NCOR2: variants seen among roughly 807,000 people sequenced by gnomAD.
NCOR2 encodes the protein nuclear receptor corepressor 2, also known as CTG repeat protein 26.
A neutral mutation model predicts 262.9 loss-of-function variants in NCOR2; 81 were observed. That is an observed-to-expected ratio of 0.31 (90% confidence interval 0.26 to 0.37). The LOEUF (loss-of-function observed/expected upper bound fraction) is 0.37. Ranked by LOEUF, NCOR2 falls within the 10% of genes least tolerant of loss-of-function variation. The probability of loss-of-function intolerance (pLI) is 1.00; values close to 1 mark genes in which losing one functional copy is unlikely to be tolerated. For missense variants in NCOR2, 3,385 were observed against 3,621.4 expected, an observed-to-expected ratio of 0.93 and a Z score of 1.68; for synonymous variants, 1,659 against 1,559.3, an observed-to-expected ratio of 1.06 and a Z score of -1.51.
At chr12:124,510,516 C>T (rs561087726) in intron 1 of NCOR2, among the ~76,000 whole-genome samples, 60 of 152,362 alleles carry the variant, frequency 3.9e-4, no homozygotes, top group African/African-American at 1.4e-3. Context: ...GAGACTGGCA[C>T]AGAGAGGCCG....
At chr12:124,328,794 C>A (rs570374940) in intron 44 of NCOR2, 3 of 226,618 alleles carry the variant, frequency 1.3e-5, no homozygotes, top group Admixed American at 1.1e-4. Context: ...CATGAGGTTG[C>A]GGGTGATGCA....
intron 12 of NCOR2, among the ~76,000 whole-genome samples, chr12:124,422,007 C>A (rs2043231478): frequency 6.6e-6 from 1 of 152,218 alleles, no homozygotes; most frequent in African/African-American, 2.4e-5. Flanking sequence ...TCTGGTTTGG[C>A]ATTAGAGGTG....
chr12:124,404,844 C>G (rs1446849657), intron 13 of NCOR2, among the ~76,000 whole-genome samples: 2 of 152,356 alleles, frequency 1.3e-5, no homozygotes, highest in South Asian at 2.1e-4. Flanking sequence ...GAGTAACACC[C>G]CTGCACCATG....
intron 20 of NCOR2, among the ~76,000 whole-genome samples, chr12:124,366,726 C>G (rs1224385721): frequency 6.6e-6 from 1 of 152,078 alleles, no homozygotes; most frequent in Non-Finnish European, 1.5e-5. Context: ...CTATGTTGCC[C>G]AAGCTGGTCT....
chr12:124,325,348 G>T, exon 47 of NCOR2: 1 of 1,129,090 alleles, frequency 8.9e-7, no homozygotes, highest in Non-Finnish European at 1.1e-6. Context: ...CTGCAGGGCC[G>T]TTCCTGTGGC....
At chr12:124,559,783 G>A (rs2052009641) in intron 1 of NCOR2, among the ~76,000 whole-genome samples, 1 of 152,266 alleles carries the variant, frequency 6.6e-6, no homozygotes, top group Non-Finnish European at 1.5e-5. Context: ...AAAGCAGGCT[G>A]CAAAATTTGG....
At chr12:124,512,418 T>C (rs558017098) in intron 1 of NCOR2, among the ~76,000 whole-genome samples, 69 of 152,334 alleles carry the variant, frequency 4.5e-4, no homozygotes, top group African/African-American at 1.7e-3. Flanking sequence ...TCTTGCTCTC[T>C]CCTCTTCTGT....
chr12:124,378,255 T>C lies in NCOR2; in HGVS notation c.2149A>G (p.Met717Val). 1 of 1,613,620 alleles carries C rather than the reference T, an allele frequency of 6.2e-7. No individual in the cohort carries two copies. The highest frequency in any genetic ancestry group is 8.5e-7 in the Non-Finnish European group (1 of 1,179,692). ...CCCTCACCTTCAGCCTCCTCCACCATCTCCTCCTCATTTCCGCTCACGCCC... is the reference window on the plus strand; with the variant it reads ...CCCTCACCTTCAGCCTCCTCCACCACCTCCTCCTCATTTCCGCTCACGCCC... The change falls in exon 18 of 47, where the codon ATG becomes GTG. Residue 717 changes from methionine (M) to valine (V), a missense_variant. Transcript: ENST00000405201. The surrounding 1 kb of genome is among the most constrained non-coding windows in gnomAD (Gnocchi z 4.2).
exon 47 of NCOR2, chr12:124,325,505 A>G (rs918802502): frequency 1.5e-6 from 2 of 1,354,372 alleles, no homozygotes; most frequent in South Asian, 1.9e-5. Context: ...GCCCGCGGGG[A>G]GGCCCGGTGG....
chr12:124,394,219 C>T (rs536707499), intron 16 of NCOR2, among the ~76,000 whole-genome samples: 3 of 152,324 alleles, frequency 2.0e-5, no homozygotes, highest in East Asian at 1.9e-4. Context: ...CTATGTGGCT[C>T]GCTCCGTCTT....
chr12:124,384,364 GA>G (rs2040635964), intron 17 of NCOR2, among the ~76,000 whole-genome samples: 1 of 152,230 alleles, frequency 6.6e-6, no homozygotes, highest in Non-Finnish European at 1.5e-5. Context: ...CATCCAGAAG[GA>G]AAAGGCGCTG....
intron 28 of NCOR2, among the ~76,000 whole-genome samples, chr12:124,349,195 CAG>C (rs1054185519): frequency 3.3e-5 from 5 of 152,194 alleles, no homozygotes; most frequent in African/African-American, 1.2e-4. Context: ...CCCGGACAGG[CAG>C]AGAGGTGAAC....
intron 7 of NCOR2, among the ~76,000 whole-genome samples, chr12:124,447,683 CTTTT>C (rs2045264180): frequency 6.9e-6 from 1 of 145,662 alleles, no homozygotes; most frequent in Non-Finnish European, 1.5e-5. Context: ...TATTTTCTTT[CTTTT>C]TTCTTTCTTT....
intron 31 of NCOR2, among the ~76,000 whole-genome samples, chr12:124,345,377 C>T (rs796676239): frequency 2.1e-4 from 32 of 152,262 alleles, no homozygotes; most frequent in African/African-American, 6.5e-4. Context: ...CAATACTACC[C>T]GCCCTGAGGC....
chr12:124,375,040 A>G (rs1469069252), intron 18 of NCOR2, among the ~76,000 whole-genome samples: 1 of 152,220 alleles, frequency 6.6e-6, no homozygotes, highest in African/African-American at 2.4e-5. Context: ...AGTTCTTCAC[A>G]CACGACTCCT....
intron 22 of NCOR2, among the ~76,000 whole-genome samples, chr12:124,358,086 TG>T (rs1157096360): frequency 5.6e-5 from 1 of 17,916 alleles, no homozygotes; most frequent in Non-Finnish European, 1.8e-4. Flanking sequence ...TAACCTGTGA[TG>T]TGTGTGTGCG....
intron 20 of NCOR2, among the ~76,000 whole-genome samples, chr12:124,364,183 C>T (rs1464169204): frequency 1.3e-5 from 2 of 152,218 alleles, no homozygotes; most frequent in African/African-American, 2.4e-5. Context: ...CCCAGAGAAG[C>T]CCAGACCTGG....
At chr12:124,438,068 T>C (rs2044468269) in intron 7 of NCOR2, 72 bp from the exon 10 acceptor site, 1 of 1,452,008 alleles carries the variant, frequency 6.9e-7, no homozygotes, top group South Asian at 1.2e-5. Flanking sequence ...CCATCCTGTT[T>C]GCTGAGAGTG....
At chr12:124,540,290 G>A (rs1008704103), upstream of NCOR2, among the ~76,000 whole-genome samples, 4 of 149,588 alleles carry the variant, frequency 2.7e-5, no homozygotes, top group African/African-American at 9.9e-5. Context: ...GAGGGCCGAG[G>A]AACAGGTGTC....
Sources: gnomAD v4.1 joint callset for allele counts (sites outside exome capture counted in the v4.1 genomes callset) on GRCh38, gnomAD v4.1.1 for gene constraint, Gnocchi (gnomAD v3.1) non-coding constraint, MANE v1.5 for transcripts, NCBI Gene and HGNC (gene_info 2026-07-23, HGNC 2026-07-21) for gene names.